The following CAST variants were observed in gnomAD, a reference collection of about 807,000 sequenced individuals.
CAST encodes the protein calpastatin, also known as MIR583 host.
CAST carries 76 observed loss-of-function variants against 119.6 expected under a neutral mutation model. That is an observed-to-expected ratio of 0.64 (90% confidence interval 0.53 to 0.77). The LOEUF (loss-of-function observed/expected upper bound fraction) is 0.77. Among genes scored for constraint, CAST ranks in the 30% least tolerant of loss-of-function variants. The pLI is 0.00. For missense variants in CAST, 953 were observed against 946.5 expected (o/e 1.01, Z -0.09); for synonymous variants, 319 against 331.6 (o/e 0.96, Z 0.41).
chr5:96,021,843 TA>T, the CAST span, among the ~76,000 whole-genome samples: 2 of 152,238 alleles, frequency 1.3e-5, no homozygotes, highest in Non-Finnish European at 2.9e-5. Context: ...TTACTCATTT[TA>T]AATTAACTTA....
the CAST span, among the ~76,000 whole-genome samples, chr5:96,355,343 T>C: frequency 6.6e-6 from 1 of 152,204 alleles, no homozygotes; most frequent in Non-Finnish European, 1.5e-5. Flanking sequence ...TCCATGTCCC[T>C]GCAAAGGGGA....
At chr5:96,001,235 C>T in the CAST span, among the ~76,000 whole-genome samples, 1 of 152,092 alleles carries the variant, frequency 6.6e-6, no homozygotes, top group African/African-American at 2.4e-5. Flanking sequence ...GAAAAAGATA[C>T]CAGATGCTTT....
the CAST span, among the ~76,000 whole-genome samples, chr5:96,506,605 A>G: frequency 5.8e-4 from 88 of 152,256 alleles, no homozygotes; most frequent in African/African-American, 1.8e-3. Flanking sequence ...GAGGAAGGGA[A>G]AGAGCTAATG....
chr5:96,559,285 T>G (rs1746308570), intron 1 of CAST, among the ~76,000 whole-genome samples: 1 of 152,212 alleles, frequency 6.6e-6, no homozygotes, highest in Non-Finnish European at 1.5e-5. Context: ...GCATTCCCTT[T>G]GAAAACTGGC....
intron 1 of CAST, among the ~76,000 whole-genome samples, chr5:96,623,718 C>A (rs1238155295): frequency 6.6e-6 from 1 of 152,102 alleles, no homozygotes; most frequent in African/African-American, 2.4e-5. Flanking sequence ...TTGTTAATTT[C>A]TTTTTCCAAA....
the CAST span, among the ~76,000 whole-genome samples, chr5:96,305,711 C>T: frequency 6.6e-6 from 1 of 151,034 alleles, no homozygotes; most frequent in East Asian, 1.9e-4. Context: ...TTGAGATAAT[C>T]CTGTGGTTTT....
At chr5:96,350,342 T>G in the CAST span, among the ~76,000 whole-genome samples, 34 of 152,150 alleles carry the variant, frequency 2.2e-4, no homozygotes, top group Non-Finnish European at 4.6e-4. Context: ...TAGTCACTTA[T>G]GCCTTCATCT....
chr5:96,220,168 A>T, the CAST span, among the ~76,000 whole-genome samples: 1 of 152,208 alleles, frequency 6.6e-6, no homozygotes, highest in African/African-American at 2.4e-5. Context: ...GAGGCATCTG[A>T]AAAGGGTTTG....
chr5:96,429,408 A>C, the CAST span: 26 of 718,024 alleles, frequency 3.6e-5, no homozygotes, highest in Non-Finnish European at 6.2e-5. Context: ...GAGATAGGCA[A>C]CTTTTATTAA....
chr5:96,501,857 C>G, the CAST span, among the ~76,000 whole-genome samples: 2 of 152,180 alleles, frequency 1.3e-5, no homozygotes, highest in African/African-American at 4.8e-5. Flanking sequence ...TGAATTGTTA[C>G]AATTGTCTAC....
At chr5:96,355,725 C>T in the CAST span, among the ~76,000 whole-genome samples, 15 of 151,736 alleles carry the variant, frequency 9.9e-5, no homozygotes, top group South Asian at 2.1e-4. Context: ...TTTTTTGAGA[C>T]GGCGTCTTGC....
the CAST span, among the ~76,000 whole-genome samples, chr5:96,047,539 G>A: frequency 1.7e-4 from 26 of 152,256 alleles, no homozygotes; most frequent in African/African-American, 5.3e-4. Flanking sequence ...TCTGTAATTT[G>A]CCTCTCATAT....
At chr5:96,346,394 T>A in the CAST span, among the ~76,000 whole-genome samples, 1 of 152,118 alleles carries the variant, frequency 6.6e-6, no homozygotes, top group Non-Finnish European at 1.5e-5. Context: ...TATAAGAAAG[T>A]TGTGGATCAG....
At chr5:96,368,283 T>G in the CAST span, among the ~76,000 whole-genome samples, 1 of 151,916 alleles carries the variant, frequency 6.6e-6, no homozygotes, top group East Asian at 1.9e-4. Flanking sequence ...GTGGATCACC[T>G]TAGGTCAGGA....
the CAST span, among the ~76,000 whole-genome samples, chr5:96,489,669 A>G: frequency 6.6e-6 from 1 of 152,018 alleles, no homozygotes; most frequent in African/African-American, 2.4e-5. Flanking sequence ...CCCCCTCCCC[A>G]AGACTATCAA....
the CAST span, among the ~76,000 whole-genome samples, chr5:96,061,287 C>G: frequency 6.6e-6 from 1 of 152,092 alleles, no homozygotes; most frequent in Non-Finnish European, 1.5e-5. Flanking sequence ...TAGTGGGATA[C>G]CAAATGACCC....
the CAST span, among the ~76,000 whole-genome samples, chr5:96,473,636 G>A: frequency 6.6e-6 from 1 of 152,148 alleles, no homozygotes; most frequent in Non-Finnish European, 1.5e-5. Context: ...TGACTATATC[G>A]GGAAACCAAT....
chr5:96,237,011 G>A, the CAST span, among the ~76,000 whole-genome samples: 1 of 152,104 alleles, frequency 6.6e-6, no homozygotes, highest in East Asian at 1.9e-4. Context: ...TCTTGTTTTG[G>A]TTGTATATTA....
At chr5:96,289,365 C>T in the CAST span, among the ~76,000 whole-genome samples, 54 of 152,108 alleles carry the variant, frequency 3.6e-4, no homozygotes, top group African/African-American at 1.3e-3. Context: ...CAAATCTCAT[C>T]TTGAATTGTA....
Sources: gnomAD v4.1 joint callset for allele counts (sites outside exome capture counted in the v4.1 genomes callset) on GRCh38, gnomAD v4.1.1 for gene constraint, MANE v1.5 for transcripts, NCBI Gene and HGNC (gene_info 2026-07-23, HGNC 2026-07-21) for gene names.